The following OPRM1 variants were observed in gnomAD, a reference collection of about 807,000 sequenced individuals.
OPRM1 encodes the protein mu-type opioid receptor.
In OPRM1, 27 loss-of-function variants were observed where a neutral mutation model predicts 31.8. That is an observed-to-expected ratio of 0.85 (90% CI 0.63 to 1.17). The LOEUF (loss-of-function observed/expected upper bound fraction) is 1.17, where lower values mean the gene tolerates loss of function less well. Among genes scored for constraint, OPRM1 ranks in the 50% most tolerant of loss-of-function variants. OPRM1 has a pLI of 0.00. For synonymous variants in OPRM1, 196 were observed against 189.9 expected (o/e 1.03, Z -0.26); for missense variants, 536 against 511.1 (o/e 1.05, Z -0.47).
At chr6:154,135,484 GATAGATATAGATATAGATATAGAT>G (rs58196022), downstream of OPRM1, among the ~76,000 whole-genome samples, 14 of 144,440 alleles carry the variant, frequency 9.7e-5, no homozygotes, top group Admixed American at 3.5e-4. Context: ...AAAATATATA[GATAGATATAGATATAGATATAGAT>G]ATAGATATAG....
chr6:154,154,084 T>C (rs1340383042), intron 3 of OPRM1, among the ~76,000 whole-genome samples: 1 of 152,182 alleles, frequency 6.6e-6, no homozygotes, highest in Non-Finnish European at 1.5e-5. Flanking sequence ...AAGGTGGAGC[T>C]TGGCTTGTGA....
intron 3 of OPRM1, among the ~76,000 whole-genome samples, chr6:154,191,151 T>C (rs1801846739): frequency 6.6e-6 from 1 of 152,140 alleles, no homozygotes; most frequent in Admixed American, 6.5e-5. Context: ...AAAGGGTACA[T>C]ACCATATAAT....
intron 3 of OPRM1, among the ~76,000 whole-genome samples, chr6:154,211,312 G>A (rs1777943263): frequency 6.6e-6 from 1 of 152,044 alleles, no homozygotes; most frequent in Admixed American, 6.6e-5. Context: ...GGGAGGCTGA[G>A]GCAGGAGAAT....
intron 3 of OPRM1, among the ~76,000 whole-genome samples, chr6:154,184,754 C>T (rs7767434): frequency 0.55 from 82,484 of 149,764 alleles, 23,770 homozygotes; most frequent in African/African-American, 0.73. Flanking sequence ...TAAAGGAAAT[C>T]TTTATTTTTT....
intron 3 of OPRM1, among the ~76,000 whole-genome samples, chr6:154,097,540 A>G (rs1428858537): frequency 2.0e-5 from 3 of 152,108 alleles, no homozygotes; most frequent in Admixed American, 6.6e-5. Context: ...GAATGAAATC[A>G]AAATGGCTAT....
At position 154,165,719 on chromosome 6, in the gene OPRM1, A is replaced by G. The variant is rs2281616; in HGVS notation, c.1164+74247A>G. Among the ~76,000 whole-genome samples, 1,167 of 152,348 alleles carry G rather than the reference A, an allele frequency of 7.7e-3. 11 individuals are homozygous for G. Among genetic ancestry groups the G allele is most frequent in the Admixed American group, 0.016 (239 of 15,300 alleles). Reference sequence around the variant, plus strand: ...TCCTCCCTGAAAATGAGATGACCCAATGACTTGCTTCTACTGAATAGAATA... The same window carrying G: ...TCCTCCCTGAAAATGAGATGACCCAGTGACTTGCTTCTACTGAATAGAATA... On this transcript the variant is annotated intron_variant, in intron 3 of 3. Transcript: ENST00000337049.
At chr6:154,030,947 GA>G (rs1237023687) in intron 1 of OPRM1, among the ~76,000 whole-genome samples, 1 of 152,104 alleles carries the variant, frequency 6.6e-6, no homozygotes, top group African/African-American at 2.4e-5. Flanking sequence ...ACTGCTCTCT[GA>G]ACCTGCAAAT....
intron 3 of OPRM1, chr6:154,157,352 A>T (rs1043303906): frequency 6.6e-6 from 1 of 152,294 alleles, no homozygotes; most frequent in Admixed American, 6.5e-5. Context: ...ACGAATGAGC[A>T]GGCAATGGGG....
chr6:154,058,544 A>G (rs1047164273), intron 1 of OPRM1, among the ~76,000 whole-genome samples: 2 of 152,206 alleles, frequency 1.3e-5, no homozygotes, highest in Non-Finnish European at 2.9e-5. Context: ...TACAGTCAAA[A>G]CAAAAAGTAA....
rs1326586132 is a variant in OPRM1, at chr6:154,039,244, C to T, written c.-301C>T. On this transcript the variant is annotated 5_prime_UTR_variant, in exon 1 of 4. Transcript: ENST00000330432. ...AAAATCCACCCCTTTTCCCTCCTCC[C>T]TCCCTTCCAGCCTCCGAATCCCGCA... is the stretch of plus-strand genomic sequence containing the variant. The T allele has an allele frequency of 1.3e-6, 2 of 1,551,774 alleles. No individual in the cohort carries two copies. The highest frequency in any genetic ancestry group is 1.7e-4 in the Middle Eastern group (1 of 5,992).
intron 3 of OPRM1, among the ~76,000 whole-genome samples, chr6:154,178,397 C>T (rs1454625542): frequency 6.6e-6 from 1 of 151,998 alleles, no homozygotes; most frequent in Non-Finnish European, 1.5e-5. Context: ...AATATATTCC[C>T]TACATGAAAA....
chr6:154,216,120 T>A (rs188468727), intron 3 of OPRM1, among the ~76,000 whole-genome samples: 2 of 152,136 alleles, frequency 1.3e-5, no homozygotes, highest in Non-Finnish European at 2.9e-5. Context: ...ATTCCAATCA[T>A]AAATATCAAT....
chr6:154,203,469 C>G (rs894424843), intron 3 of OPRM1, among the ~76,000 whole-genome samples: 1 of 152,144 alleles, frequency 6.6e-6, no homozygotes, highest in Non-Finnish European at 1.5e-5. Context: ...ATACAGTCAG[C>G]CTTCTGTATC....
chr6:154,082,823 T>C (rs1286704388), intron 1 of OPRM1, among the ~76,000 whole-genome samples: 1 of 152,176 alleles, frequency 6.6e-6, no homozygotes, highest in Non-Finnish European at 1.5e-5. Flanking sequence ...TTTCAAAGTC[T>C]TTAGTCCAAA....
rs186469374 is a variant in OPRM1 at position 154,103,676 on chromosome 6, G to A, written c.1164+12204G>A. Among the ~76,000 whole-genome samples, 22 of 152,296 alleles carry A rather than the reference G, an allele frequency of 1.4e-4. No homozygotes were observed. The South Asian group carries it at 4.3e-3, about 30-fold the overall frequency. On this transcript the variant is annotated intron_variant, in intron 3 of 3. Coordinates refer to ENST00000330432, the MANE Select transcript of OPRM1 (RefSeq NM_000914.5). ...CCCATTTTTACAGTTATTTCTTGAT[G>A]ATATGCTCAACAAGGGGTGTATTAT...
exon 1 of OPRM1, chr6:154,010,927 C>T (rs1326426352): frequency 1.5e-6 from 2 of 1,301,942 alleles, no homozygotes; most frequent in African/African-American, 1.5e-5. Context: ...CAAAATGTTT[C>T]CTGGAAACCT....
intron 3 of OPRM1, among the ~76,000 whole-genome samples, chr6:154,217,791 C>T (rs959949043): frequency 6.6e-6 from 1 of 152,106 alleles, no homozygotes; most frequent in African/African-American, 2.4e-5. Flanking sequence ...CTCAAAAAAG[C>T]ATCTAAAAGT....
intron 3 of OPRM1, among the ~76,000 whole-genome samples, chr6:154,105,447 T>C (rs1045989179): frequency 6.6e-6 from 1 of 152,198 alleles, no homozygotes; most frequent in African/African-American, 2.4e-5. Context: ...GTTCTGAAAG[T>C]TGTTTCCTCT....
intron 1 of OPRM1, among the ~76,000 whole-genome samples, chr6:154,063,891 T>G: frequency 6.6e-6 from 1 of 152,150 alleles, no homozygotes; most frequent in East Asian, 1.9e-4. Flanking sequence ...TTTGGTTTAT[T>G]TATTCATCTA....
Sources: gnomAD v4.1 joint callset for allele counts (sites outside exome capture counted in the v4.1 genomes callset) on GRCh38, gnomAD v4.1.1 for gene constraint, MANE v1.5 for transcripts, NCBI Gene and HGNC (gene_info 2026-07-23, HGNC 2026-07-21) for gene names.